Variants in GGT1 observed in about 807,000 individuals in gnomAD.
GGT1 encodes glutathione hydrolase 1 proenzyme.
In GGT1, 21 loss-of-function variants were observed where a neutral mutation model predicts 56.0. The observed-to-expected ratio is 0.38, with a 90% CI of 0.27 to 0.54. GGT1 has a LOEUF of 0.54. Among genes scored for constraint, GGT1 ranks in the 20% least tolerant of loss-of-function variants. GGT1 has a pLI of 0.82. For synonymous variants in GGT1, 238 were observed against 342.6 expected, an observed-to-expected ratio of 0.69 and a Z score of 3.37; for missense variants, 466 against 787.0, an observed-to-expected ratio of 0.59 and a Z score of 4.88.
At chr22:24,607,527 G>C (rs1569051484) in intron 1 of GGT1, 1 of 154,426 alleles carries the variant, frequency 6.5e-6, no homozygotes, top group Non-Finnish European at 1.4e-5. Flanking sequence ...GCCCTCCCAG[G>C]GCTGCGTGAA....
chr22:24,628,227 C>T lies in GGT1; in HGVS notation c.1449+34C>T. 6.2e-7 allele frequency: 1 copy of T among 1,612,032 alleles called. No individual in the cohort carries two copies. Among genetic ancestry groups the T allele is most frequent in the Non-Finnish European group, 8.5e-7 (1 of 1,179,864 alleles). On this transcript the variant is annotated intron_variant, in intron 14 of 15. Transcript: ENST00000400382. This position sits in a 1 kb window ranked among gnomAD's most constrained non-coding sequence, Gnocchi z 5.7. ...CACACCTTTTCTCCCTGGCCGTGCC[C>T]ACCCTGCACAGCCCCCAAGCCATGC...
chr22:24,615,529 GC>G (rs1288580914), intron 7 of GGT1, among the ~76,000 whole-genome samples: 3 of 152,186 alleles, frequency 2.0e-5, no homozygotes, highest in African/African-American at 7.2e-5. Context: ...GGATGCTGAG[GC>G]TCAGACAGGT....
At chr22:24,623,692 G>C (rs2147491690) in intron 10 of GGT1, 88 bp from the exon 11 acceptor site, 2 of 1,149,074 alleles carry the variant, frequency 1.7e-6, no homozygotes, top group Non-Finnish European at 2.6e-6. Context: ...TCCTTGAGGT[G>C]GGCAAAGTGG....
intron 1 of GGT1, among the ~76,000 whole-genome samples, chr22:24,604,702 A>C (rs2045923682): frequency 6.6e-6 from 1 of 151,818 alleles, no homozygotes. Flanking sequence ...ACTTCCCCCT[A>C]GGTGCCCTCT....
At chr22:24,583,750 G>T in the GGT1 span, 1 of 471,202 alleles carries the variant, frequency 2.1e-6, no homozygotes, top group Non-Finnish European at 4.4e-6. Flanking sequence ...ATCTGCTGCC[G>T]CCTGGATTCT....
chr22:24,619,394 A>C (rs1208861350), intron 7 of GGT1, among the ~76,000 whole-genome samples: 22 of 132,714 alleles, frequency 1.7e-4, no homozygotes, highest in African/African-American at 6.5e-4. Flanking sequence ...GTGAAACTCC[A>C]TCTCAGAAAA....
At chr22:24,592,846 A>G (rs2147178387), upstream of GGT1, 1 of 1,275,506 alleles carries the variant, frequency 7.8e-7, no homozygotes. Flanking sequence ...CCAGGGGCGG[A>G]CGGCTCCTTC....
At chr22:24,590,044 GTC>G, upstream of GGT1, 1 of 1,371,682 alleles carries the variant, frequency 7.3e-7, no homozygotes, top group Non-Finnish European at 9.7e-7. Context: ...GCCCGTTCCT[GTC>G]TCTCCATCTC....
At chr22:24,626,289 C>T (rs1253002400) in intron 11 of GGT1, among the ~76,000 whole-genome samples, 2 of 145,188 alleles carry the variant, frequency 1.4e-5, no homozygotes, top group African/African-American at 5.4e-5. Context: ...GCTGGGATTA[C>T]AGGCGTGAGC....
chr22:24,619,912 G>A (rs1419008410), intron 7 of GGT1, among the ~76,000 whole-genome samples: 4 of 150,544 alleles, frequency 2.7e-5, no homozygotes, highest in Admixed American at 6.6e-5. Context: ...AAACCCAGCC[G>A]CATGCTACTG....
upstream of GGT1, among the ~76,000 whole-genome samples, chr22:24,593,359 G>T (rs2045630420): frequency 1.3e-5 from 2 of 152,294 alleles, no homozygotes; most frequent in South Asian, 4.1e-4. Context: ...GTGCTGACTG[G>T]GGAATAGTCG....
upstream of GGT1, chr22:24,592,919 TG>T: frequency 7.9e-7 from 1 of 1,265,698 alleles, no homozygotes; most frequent in Non-Finnish European, 1.0e-6. Context: ...TCGCGGAGCG[TG>T]GACTGGATCT....
the GGT1 span, chr22:24,589,674 A>T: frequency 1.1e-6 from 1 of 896,776 alleles, no homozygotes. Context: ...TGATGCTGGC[A>T]GCAGGTCTCA....
At chr22:24,605,272 A>T (rs1291681484) in intron 1 of GGT1, among the ~76,000 whole-genome samples, 1 of 43,816 alleles carries the variant, frequency 2.3e-5, no homozygotes, top group Non-Finnish European at 3.7e-5. Flanking sequence ...ATATTATATA[A>T]TATGTATTAT....
chr22:24,620,541 C>G lies in GGT1; in HGVS notation c.575+21C>G. On this transcript the variant is annotated intron_variant, in intron 8 of 15. Coordinates refer to ENST00000400382, the MANE Select transcript of GGT1 (RefSeq NM_001288833.2). This position sits in a 1 kb window ranked among gnomAD's most constrained non-coding sequence, Gnocchi z 5.6. ...TTGTGGTATGTCTGTGGGTGCGGCCCCCTGACACAGGCAGGGCAGGCACAG... is the reference window on the plus strand; with the variant it reads ...TTGTGGTATGTCTGTGGGTGCGGCCGCCTGACACAGGCAGGGCAGGCACAG... 2 of 1,611,454 alleles carry G rather than the reference C, an allele frequency of 1.2e-6. No individual in the cohort carries two copies. The highest frequency in any genetic ancestry group is 2.2e-5 in the East Asian group (1 of 44,852).
chr22:24,593,225 A>G, upstream of GGT1: 2 of 470,002 alleles, frequency 4.3e-6, no homozygotes, highest in Non-Finnish European at 5.6e-6. Context: ...GCCTGATCAC[A>G]CTGGAGGAGG....
At chr22:24,596,985 A>G (rs112601610) in intron 1 of GGT1, among the ~76,000 whole-genome samples, 1,859 of 126,226 alleles carry the variant, frequency 0.015, 53 homozygotes, top group African/African-American at 0.056. Flanking sequence ...TTTTAATTTT[A>G]ATTTTTTTTT....
rs1601682940 is a variant in GGT1 at position 24,611,009 on chromosome 22, T to C, written c.-7-66T>C. ...TGAGGCCCGACTTTAGACTGTGCCC[T>C]GTTGGGGAGGGGCCAGGGAATGTCT... On this transcript the variant is annotated intron_variant, in intron 4 of 15. Coordinates refer to ENST00000400382, the MANE Select transcript of GGT1 (RefSeq NM_001288833.2). 5 of 1,459,422 alleles carry C rather than the reference T, an allele frequency of 3.4e-6. No homozygotes were observed. In the East Asian group the frequency reaches 9.8e-5, roughly 29 times the overall value. 90.4% of individuals were successfully genotyped at this position (1,459,422 alleles called of 1,614,324 possible).
Position 24,620,499 on chromosome 22 carries a change from T to C in GGT1, c.554T>C (p.Ile185Thr), listed in dbSNP as rs1186306923. 7 of 1,611,758 alleles carry C rather than the reference T, an allele frequency of 4.3e-6. No individual in the cohort carries two copies. The highest frequency in any genetic ancestry group is 5.9e-6 in the Non-Finnish European group (7 of 1,179,816). The change falls in exon 8 of 16, where the codon ATC (isoleucine) becomes ACC (threonine). Residue 185 changes from isoleucine to threonine, a missense_variant. Ile to Thr is a moderately conservative substitution (Grantham distance 89, BLOSUM62 -1). This residue lies in a region of GGT1 where 456 missense variants were observed against 716.7 expected (regional missense o/e 0.64). Transcript: ENST00000400382. The surrounding 1 kb of genome is among the most constrained non-coding windows in gnomAD (Gnocchi z 5.6). ...GCCCTGGAAAACAAGCGGACCGTCA[T>C]CGAGCAGCAGCCTGTCTTGTGGTAT... Reference protein sequence around the residue: ...AAALENKRTVIEQQPVLCEVF... With the variant: ...AAALENKRTVTEQQPVLCEVF...
Sources: allele counts gnomAD v4.1 joint callset (sites outside exome capture counted in the v4.1 genomes callset), GRCh38; gene constraint gnomAD v4.1.1; regional missense constraint gnomAD v4.1.1; non-coding constraint Gnocchi (gnomAD v3.1); transcripts MANE v1.5; gene names NCBI Gene and HGNC (gene_info 2026-07-23, HGNC 2026-07-21).